The following SLC1A1 variants were observed in gnomAD, a reference collection of about 807,000 sequenced individuals.
SLC1A1 encodes the protein excitatory amino acid transporter 3.
In SLC1A1, 43 loss-of-function variants were observed where a neutral mutation model predicts 53.3. That is an observed-to-expected ratio of 0.81 (90% CI 0.63 to 1.04). The LOEUF is 1.04. Among genes scored for constraint, SLC1A1 ranks in the 50% least tolerant of loss-of-function variants. SLC1A1 has a pLI of 0.00. For synonymous variants in SLC1A1, 307 were observed against 243.2 expected, an observed-to-expected ratio of 1.26 and a Z score of -2.44; for missense variants, 748 against 664.9, an observed-to-expected ratio of 1.12 and a Z score of -1.37.
chr9:4,577,160 G>A (rs1032312454), intron 10 of SLC1A1, among the ~76,000 whole-genome samples: 5 of 152,220 alleles, frequency 3.3e-5, no homozygotes, highest in African/African-American at 1.2e-4. Context: ...AGAGAGGGAA[G>A]GGCTGGTTCT....
At chr9:4,578,517 A>C (rs1458987689) in intron 10 of SLC1A1, among the ~76,000 whole-genome samples, 2 of 152,192 alleles carry the variant, frequency 1.3e-5, no homozygotes, top group Non-Finnish European at 2.9e-5. Flanking sequence ...AGAGAAGGGA[A>C]AACCCAAGAG....
intron 3 of SLC1A1, among the ~76,000 whole-genome samples, 155 bp from the exon 4 acceptor site, chr9:4,564,189 G>A (rs986242507): frequency 6.6e-6 from 1 of 152,182 alleles, no homozygotes; most frequent in Non-Finnish European, 1.5e-5. Flanking sequence ...TGGCTGCTGA[G>A]GTTCCAGAGG....
chr9:4,581,499 T>C (rs1205894720), intron 10 of SLC1A1, among the ~76,000 whole-genome samples: 1 of 152,188 alleles, frequency 6.6e-6, no homozygotes, highest in Non-Finnish European at 1.5e-5. Context: ...TAAATGAATT[T>C]TGAGTTTCAA....
intron 1 of SLC1A1, among the ~76,000 whole-genome samples, chr9:4,537,593 T>A (rs10974607): frequency 0.13 from 3,114 of 23,784 alleles, 677 homozygotes; most frequent in African/African-American, 0.22. Context: ...TAAAATAAAA[T>A]AAAATAAAAA....
intron 1 of SLC1A1, among the ~76,000 whole-genome samples, chr9:4,500,994 C>G (rs138426510): frequency 6.6e-6 from 1 of 152,124 alleles, no homozygotes; most frequent in African/African-American, 2.4e-5. Flanking sequence ...TTCTCTACCA[C>G]TAATCCCCAG....
intron 1 of SLC1A1, among the ~76,000 whole-genome samples, chr9:4,542,460 G>A (rs1817101713): frequency 6.6e-6 from 1 of 152,278 alleles, no homozygotes. Flanking sequence ...TAGAGGCACA[G>A]TTAATCATTA....
chr9:4,581,521 G>A (rs1821096681), intron 10 of SLC1A1, among the ~76,000 whole-genome samples: 1 of 152,246 alleles, frequency 6.6e-6, no homozygotes, highest in Non-Finnish European at 1.5e-5. Context: ...CCCAGCCTCA[G>A]GCTATAGAGA....
intron 2 of SLC1A1, among the ~76,000 whole-genome samples, chr9:4,546,226 C>T (rs1393046496): frequency 6.6e-6 from 1 of 152,110 alleles, no homozygotes; most frequent in African/African-American, 2.4e-5. Context: ...TATGAGAAAC[C>T]TAAAGAGAAC....
At chr9:4,496,978 G>A (rs116455865) in intron 1 of SLC1A1, among the ~76,000 whole-genome samples, 1 of 152,114 alleles carries the variant, frequency 6.6e-6, no homozygotes, top group Non-Finnish European at 1.5e-5. Flanking sequence ...GACAGTAGAA[G>A]ACAGTGTGAA....
Position 4,561,448 on chromosome 9 carries a change from G to A in SLC1A1, c.233-1G>A, listed in dbSNP as rs764868313. On this transcript the variant is annotated splice_acceptor_variant, in intron 2 of 11. Transcript: ENST00000262352. LOFTEE classifies it high-confidence loss of function. ...TAATTTGATTTCTGTCTCCCCTTCAGGTGTTGCTGCACTGGATTCCAACGT... is the reference window on the plus strand; with the variant it reads ...TAATTTGATTTCTGTCTCCCCTTCAAGTGTTGCTGCACTGGATTCCAACGT... 1 of 1,574,250 alleles carries A rather than the reference G, an allele frequency of 6.4e-7. No individual in the cohort carries two copies. Among genetic ancestry groups the A allele is most frequent in the Non-Finnish European group, 8.7e-7 (1 of 1,143,904 alleles).
intron 4 of SLC1A1, among the ~76,000 whole-genome samples, chr9:4,565,120 T>C (rs558681428): frequency 6.6e-6 from 1 of 152,230 alleles, no homozygotes; most frequent in Non-Finnish European, 1.5e-5. Context: ...CCAGTTTTTC[T>C]TTTTAATTTC....
intron 7 of SLC1A1, 76 bp downstream of exon 7, chr9:4,572,464 T>C: frequency 7.6e-7 from 1 of 1,318,720 alleles, no homozygotes; most frequent in East Asian, 2.3e-5. Context: ...GAAGAGGTTT[T>C]ATGTTTGTCA....
chr9:4,490,974 C>T (rs909194277), intron 1 of SLC1A1, among the ~76,000 whole-genome samples: 2 of 152,232 alleles, frequency 1.3e-5, no homozygotes, highest in Non-Finnish European at 2.9e-5. Context: ...TCCTCTGGGA[C>T]TCCCATTTGA....
At position 4,576,555 on chromosome 9, in the gene SLC1A1, T is replaced by G. The variant is rs1213506600; in HGVS notation, c.999-14T>G. 6.2e-7 allele frequency: 1 copy of G among 1,611,952 alleles called. No homozygotes were observed. Among genetic ancestry groups the G allele is most frequent in the Admixed American group, 1.7e-5 (1 of 60,026 alleles). ...ATTTCTAGACATAAGTTCCTTTCTA[T>G]TTTTATCACACAGTTCAGCAACACT... On this transcript the variant is annotated splice_polypyrimidine_tract_variant and intron_variant, in intron 9 of 11. Coordinates refer to ENST00000262352, the MANE Select transcript of SLC1A1 (RefSeq NM_004170.6).
chr9:4,539,525 A>C (rs1229703118), intron 1 of SLC1A1, among the ~76,000 whole-genome samples: 1 of 152,154 alleles, frequency 6.6e-6, no homozygotes, highest in Non-Finnish European at 1.5e-5. Context: ...AGCTGAGATC[A>C]TGGGTGTTTT....
intron 3 of SLC1A1, among the ~76,000 whole-genome samples, chr9:4,563,280 G>A (rs1428223807): frequency 6.6e-6 from 1 of 152,148 alleles, no homozygotes; most frequent in African/African-American, 2.4e-5. Flanking sequence ...GGCTTTAGTG[G>A]TATTAGGCCA....
intron 1 of SLC1A1, among the ~76,000 whole-genome samples, chr9:4,520,943 G>C (rs763642346): frequency 6.6e-6 from 1 of 152,020 alleles, no homozygotes; most frequent in Admixed American, 6.5e-5. Flanking sequence ...TCTCTTTTTT[G>C]TGTTTTTTAA....
intron 1 of SLC1A1, among the ~76,000 whole-genome samples, chr9:4,542,254 C>A (rs1470457517): frequency 6.6e-6 from 1 of 152,144 alleles, no homozygotes; most frequent in East Asian, 1.9e-4. Flanking sequence ...ATTTCAAGAA[C>A]AAGCTTGATA....
chr9:4,513,105 T>C (rs1372330285), intron 1 of SLC1A1, among the ~76,000 whole-genome samples: 2 of 152,016 alleles, frequency 1.3e-5, no homozygotes, highest in Non-Finnish European at 2.9e-5. Context: ...GATATAAGAC[T>C]TTTAGAAGAA....
Sources: allele counts gnomAD v4.1 joint callset (sites outside exome capture counted in the v4.1 genomes callset), GRCh38; gene constraint gnomAD v4.1.1; transcripts MANE v1.5; gene names NCBI Gene and HGNC (gene_info 2026-07-23, HGNC 2026-07-21).